The following RIC1 variants were observed in gnomAD, a reference collection of about 807,000 sequenced individuals.
RIC1 encodes RIC1 partner of RAB6A GEF complex, also known as guanine nucleotide exchange factor subunit RIC1.
A neutral mutation model predicts 169.0 loss-of-function variants in RIC1; 88 were observed. The observed-to-expected ratio is 0.52, with a 90% CI of 0.44 to 0.62. The LOEUF (loss-of-function observed/expected upper bound fraction) is 0.62, where lower values mean the gene tolerates loss of function less well. Among genes scored for constraint, RIC1 ranks in the 20% least tolerant of loss-of-function variants. RIC1 has a pLI of 0.00. For missense variants in RIC1, 1,877 were observed against 1,725.5 expected, an observed-to-expected ratio of 1.09 and a Z score of -1.56; for synonymous variants, 790 against 601.5, an observed-to-expected ratio of 1.31 and a Z score of -4.59.
chr9:5,716,947 A>G (rs1823284190), intron 4 of RIC1, among the ~76,000 whole-genome samples: 1 of 152,196 alleles, frequency 6.6e-6, no homozygotes, highest in Non-Finnish European at 1.5e-5. Context: ...CTGGGATTAT[A>G]GGCACAAGCC....
intron 3 of RIC1, among the ~76,000 whole-genome samples, chr9:5,711,849 G>T (rs1475276130): frequency 2.0e-5 from 3 of 152,142 alleles, no homozygotes; most frequent in Non-Finnish European, 4.4e-5. Flanking sequence ...CCTTGCGACA[G>T]TTTGCTGAGA....
intron 11 of RIC1, among the ~76,000 whole-genome samples, chr9:5,746,465 G>A (rs2130998815): frequency 1.3e-5 from 2 of 152,150 alleles, no homozygotes; most frequent in Non-Finnish European, 2.9e-5. Context: ...CCATATAAGT[G>A]TCAAATAAAG....
intron 2 of RIC1, among the ~76,000 whole-genome samples, chr9:5,682,894 C>T (rs990053818): frequency 2.6e-5 from 4 of 152,174 alleles, no homozygotes; most frequent in Non-Finnish European, 4.4e-5. Context: ...CACTTCTCTT[C>T]TCGCTTCATT....
At chr9:5,731,081 C>T (rs1258052806) in intron 6 of RIC1, among the ~76,000 whole-genome samples, 1 of 152,074 alleles carries the variant, frequency 6.6e-6, no homozygotes, top group African/African-American at 2.4e-5. Context: ...CCCTCTTCAC[C>T]AGCATTGCTT....
chr9:5,648,780 G>A (rs1478521819), intron 1 of RIC1, among the ~76,000 whole-genome samples: 1 of 152,068 alleles, frequency 6.6e-6, no homozygotes, highest in Non-Finnish European at 1.5e-5. Context: ...AGCCTCTTTT[G>A]ATGTACCTGT....
intron 6 of RIC1, among the ~76,000 whole-genome samples, chr9:5,728,681 ATCT>A (rs962211535): frequency 6.6e-6 from 1 of 152,066 alleles, no homozygotes; most frequent in Non-Finnish European, 1.5e-5. Flanking sequence ...CTCCCATTTC[ATCT>A]TCTTAAAGAA....
At chr9:5,646,400 G>C (rs1375749021) in intron 1 of RIC1, among the ~76,000 whole-genome samples, 1 of 152,140 alleles carries the variant, frequency 6.6e-6, no homozygotes, top group East Asian at 1.9e-4. Flanking sequence ...TTATATGATG[G>C]TGGCCCTATA....
intron 12 of RIC1, 151 bp downstream of exon 12, chr9:5,747,656 G>A: frequency 1.5e-6 from 1 of 685,252 alleles, no homozygotes; most frequent in Non-Finnish European, 2.5e-6. Context: ...CTGTGTTCTT[G>A]TCCTCTAGTC....
intron 4 of RIC1, among the ~76,000 whole-genome samples, chr9:5,715,064 A>T (rs1262751469): frequency 2.0e-5 from 3 of 152,204 alleles, no homozygotes; most frequent in Non-Finnish European, 2.9e-5. Context: ...TTCATATCTT[A>T]TTCTCATAGA....
intron 6 of RIC1, among the ~76,000 whole-genome samples, chr9:5,722,855 A>C (rs540808245): frequency 6.6e-6 from 1 of 152,092 alleles, no homozygotes; most frequent in Non-Finnish European, 1.5e-5. Flanking sequence ...ATGGTTTCCA[A>C]CTTCACCCAT....
intron 1 of RIC1, among the ~76,000 whole-genome samples, chr9:5,645,989 G>GT (rs1238882134): frequency 2.3e-5 from 3 of 132,166 alleles, no homozygotes; most frequent in Admixed American, 7.7e-5. Context: ...TTTTTTTAAT[G>GT]TTAAGAAATT....
intron 3 of RIC1, among the ~76,000 whole-genome samples, chr9:5,709,477 T>C (rs1407408012): frequency 6.6e-6 from 1 of 152,214 alleles, no homozygotes; most frequent in Non-Finnish European, 1.5e-5. Flanking sequence ...TACGTTTCAG[T>C]TTTCTCTCTG....
In RIC1 at chr9:5,742,928, G is replaced by A; in HGVS notation, c.961G>A (p.Val321Ile). 1 of 1,613,324 alleles carries A rather than the reference G, an allele frequency of 6.2e-7. No individual in the cohort carries two copies. The highest frequency in any genetic ancestry group is 8.5e-7 in the Non-Finnish European group (1 of 1,179,504). ...GAGATGGTCTCCTGACAATAGTGTT[G>A]TAATAGTGACCTGGGAATACGGAGG... is the stretch of plus-strand genomic sequence containing the variant. ...LMRWSPDNSV[V>I]IVTWEYGGLS... Residue 321 changes from valine (V) to isoleucine (I), a missense_variant, in exon 9 of 26, where the codon GTA (valine) becomes ATA (isoleucine). This residue lies in a region of RIC1 where 1,104 missense variants were observed against 992.0 expected (regional missense o/e 1.11). Transcript: ENST00000414202.
At chr9:5,691,804 A>T (rs1310876170) in intron 3 of RIC1, among the ~76,000 whole-genome samples, 1 of 152,004 alleles carries the variant, frequency 6.6e-6, no homozygotes, top group African/African-American at 2.4e-5. Context: ...CCATTAATTT[A>T]TGTTCCTGTG....
intron 7 of RIC1, among the ~76,000 whole-genome samples, chr9:5,737,834 A>G (rs1824818400): frequency 6.6e-6 from 1 of 151,468 alleles, no homozygotes; most frequent in African/African-American, 2.4e-5. Context: ...ATAAAGTAAG[A>G]GAAAAGATTA....
At chr9:5,769,668 G>C in intron 22 of RIC1, 1 of 274,374 alleles carries the variant, frequency 3.6e-6, no homozygotes, top group Non-Finnish European at 6.8e-6. Flanking sequence ...AACTGAAAGT[G>C]TATATTTTGG....
Position 5,763,039 on chromosome 9 carries a change from T to C in RIC1, c.2113-101T>C. 2 of 1,384,220 alleles carry C rather than the reference T, an allele frequency of 1.4e-6. No homozygotes were observed. Among genetic ancestry groups the C allele is most frequent in the Non-Finnish European group, 9.7e-7 (1 of 1,029,248 alleles). 85.7% of individuals were successfully genotyped at this position (1,384,220 alleles called of 1,614,324 possible). A position where few individuals can be genotyped will look rare whatever the true frequency, so the allele number is the denominator to read the frequency against. On this transcript the variant is annotated intron_variant, in intron 18 of 25. Coordinates refer to ENST00000414202, the MANE Select transcript of RIC1 (RefSeq NM_020829.4). The surrounding 1 kb of genome is among the most constrained non-coding windows in gnomAD (Gnocchi z 5.2). ...TCCCTTTGCTTTTCCCAAAAAAATATTATACTATCATTTGAAAGACTTAGT... is the reference window on the plus strand; with the variant it reads ...TCCCTTTGCTTTTCCCAAAAAAATACTATACTATCATTTGAAAGACTTAGT...
Position 5,757,409 on chromosome 9 carries a change from A to T in RIC1, c.1950A>T (p.Ser650=). The change falls in exon 17 of 26, where the codon TCA becomes TCT. Residue 650 remains serine, a synonymous_variant. Coordinates refer to ENST00000414202, the MANE Select transcript of RIC1 (RefSeq NM_020829.4). ...PFLVVSVTLT[S]VSTENGITLK... ...TGGTGGTATCTGTCACTCTGACATC[A>T]GTGAGTACAGAGAATGGAATCACCT... The T allele has an allele frequency of 6.2e-7, 1 of 1,614,020 alleles. No homozygotes were observed. The highest frequency in any genetic ancestry group is 8.5e-7 in the Non-Finnish European group (1 of 1,179,892).
chr9:5,653,609 T>C (rs912094644), intron 1 of RIC1, among the ~76,000 whole-genome samples: 1 of 152,014 alleles, frequency 6.6e-6, no homozygotes, highest in African/African-American at 2.4e-5. Flanking sequence ...TCTTTCTTTC[T>C]TTTTTTGAGA....
Sources: gnomAD v4.1 joint callset for allele counts (sites outside exome capture counted in the v4.1 genomes callset) on GRCh38, gnomAD v4.1.1 for gene constraint, gnomAD v4.1.1 regional missense constraint, Gnocchi (gnomAD v3.1) non-coding constraint, MANE v1.5 for transcripts, NCBI Gene and HGNC (gene_info 2026-07-23, HGNC 2026-07-21) for gene names.